Variants in FBXL18 observed in about 807,000 individuals in gnomAD.
FBXL18 encodes the protein F-box/LRR-repeat protein 18.
A neutral mutation model predicts 46.0 loss-of-function variants in FBXL18; 36 were observed. That is an observed-to-expected ratio of 0.78 (90% CI 0.60 to 1.03). The LOEUF (loss-of-function observed/expected upper bound fraction) is 1.03. FBXL18 is among the 50% of genes least tolerant of loss of function. The pLI is 0.00. For synonymous variants in FBXL18, 557 were observed against 465.3 expected (o/e 1.20, Z -2.54); for missense variants, 977 against 1,004.1 (o/e 0.97, Z 0.36).
intron 3 of FBXL18, among the ~76,000 whole-genome samples, chr7:5,491,910 T>C (rs1783937237): frequency 6.6e-6 from 1 of 151,306 alleles, no homozygotes; most frequent in African/African-American, 2.4e-5. Context: ...GAGAGGGCGG[T>C]AATCCGGGAG....
At chr7:5,462,341 G>A (rs146806014) in intron 4 of FBXL18, among the ~76,000 whole-genome samples, 5 of 152,192 alleles carry the variant, frequency 3.3e-5, no homozygotes, top group Non-Finnish European at 4.4e-5. Flanking sequence ...GCCCGAGGCC[G>A]GTACAGGAAG....
chr7:5,501,476 A>C lies in FBXL18; in HGVS notation c.793T>G (p.Phe265Val). 2 of 1,613,708 alleles carry C rather than the reference A, an allele frequency of 1.2e-6. No individual in the cohort carries two copies. The highest frequency in any genetic ancestry group is 1.7e-6 in the Non-Finnish European group (2 of 1,179,980). Residue 265 changes from phenylalanine to valine, a missense_variant, in exon 3 of 5, where the codon TTC becomes GTC. By Grantham distance (50) the Phe-to-Val change is conservative. Transcript: ENST00000382368. Reference protein sequence around the residue: ...SDRTPQNLHAFLISVPGSFAE... With the variant: ...SDRTPQNLHAVLISVPGSFAE... ...AAGCTGCCAGGGACGGAGATGAGGA[A>C]GGCGTGGAGGTTCTGAGGAGTGCGG... is the stretch of plus-strand genomic sequence containing the variant.
downstream of FBXL18, among the ~76,000 whole-genome samples, chr7:5,472,682 G>A (rs116755400): frequency 2.0e-5 from 3 of 152,174 alleles, no homozygotes; most frequent in African/African-American, 7.2e-5. Context: ...TTGACCACCA[G>A]ACCTGCGAGT....
At position 5,494,442 on chromosome 7, in the gene FBXL18, AT is replaced by A. The variant is rs1397174777; in HGVS notation, c.1782-2994del. ...GCGAGACTCTGTCTCACACAAAAAAATAAATAAATAAAATTAAATAAATAAT... is the reference window on the plus strand; with the variant it reads ...GCGAGACTCTGTCTCACACAAAAAAAAAATAAATAAAATTAAATAAATAAT... On this transcript the variant is annotated intron_variant, in intron 3 of 4. Coordinates refer to ENST00000382368, the MANE Select transcript of FBXL18 (RefSeq NM_024963.6). Among the ~76,000 whole-genome samples, 4 of 152,156 alleles carry A rather than the reference AT, an allele frequency of 2.6e-5. 1 individual carries two copies. The highest frequency in any genetic ancestry group is 4.1e-4 in the South Asian group (2 of 4,836).
Position 5,499,880 on chromosome 7 carries a change from G to A in FBXL18, c.1781+608C>T, listed in dbSNP as rs566301755. 1.5e-4 allele frequency among the ~76,000 whole-genome samples: 23 copies of A among 151,914 alleles called. No individual in the cohort carries two copies. The South Asian group carries it at 4.8e-3, about 32-fold the overall frequency. The stretch of plus-strand genomic sequence containing the variant: ...TCAAGACCAGTCTGGGCAACATAGT[G>A]AGACCTTGTCTGTACACAATTTTAA... On this transcript the variant is annotated intron_variant, in intron 3 of 4. Coordinates refer to ENST00000382368, the MANE Select transcript of FBXL18 (RefSeq NM_024963.6).
rs749337486 is a variant in FBXL18 at position 5,501,176 on chromosome 7, T to G, written c.1093A>C (p.Lys365Gln). The G allele has an allele frequency of 6.2e-7, 1 of 1,613,278 alleles. No individual in the cohort carries two copies. Among genetic ancestry groups the G allele is most frequent in the Admixed American group, 1.7e-5 (1 of 59,996 alleles). Reference sequence around the variant, plus strand: ...CTGCTGTCGATGTCGTCCTCCGCCTTGCGGAGCAGCGAGTCTGGGGACAGG... The same window carrying G: ...CTGCTGTCGATGTCGTCCTCCGCCTGGCGGAGCAGCGAGTCTGGGGACAGG... ...HCLSPDSLLR[K>Q]AEDDIDSSIL... The change falls in exon 3 of 5, where the codon AAG (lysine) becomes CAG (glutamine). Residue 365 changes from lysine to glutamine, a missense_variant. By Grantham distance (53) the Lys-to-Gln change is moderately conservative. Transcript: ENST00000382368.
rs1202379803 is a variant in FBXL18 at position 5,467,506 on chromosome 7, A to AC, written c.2001-19664dup. Among the ~76,000 whole-genome samples the AC allele has an allele frequency of 2.0e-5, 3 of 151,400 alleles. No homozygotes were observed. In the South Asian group the frequency reaches 6.3e-4, roughly 32 times the overall value. On this transcript the variant is annotated intron_variant and NMD_transcript_variant, in intron 4 of 6. Coordinates refer to the FBXL18 transcript ENST00000415009. ...GGTTGCAGTGAGCCGAGATCACACC[A>AC]CCGCACCCCAGCCTGGGAGGCAGAG...
chr7:5,466,169 TA>T (rs995026212), intron 4 of FBXL18, among the ~76,000 whole-genome samples: 101 of 123,368 alleles, frequency 8.2e-4, no homozygotes, highest in Admixed American at 1.0e-3. Flanking sequence ...TCAGAGAATT[TA>T]AAAAAAAAAA....
intron 4 of FBXL18, among the ~76,000 whole-genome samples, chr7:5,462,355 G>A (rs1783259601): frequency 6.6e-6 from 1 of 152,242 alleles, no homozygotes; most frequent in Non-Finnish European, 1.5e-5. Context: ...CAGGAAGCCA[G>A]GCATTACCTA....
At chr7:5,468,272 T>C (rs988697294) in intron 4 of FBXL18, among the ~76,000 whole-genome samples, 86 of 150,200 alleles carry the variant, frequency 5.7e-4, no homozygotes, top group Non-Finnish European at 9.2e-4. Context: ...CATGACCCAC[T>C]GCGCCGAGCC....
rs1221961422 is a variant in FBXL18 at position 5,463,004 on chromosome 7, T to TATATATAC, written c.2001-15162_2001-15161insGTATATAT. Among the ~76,000 whole-genome samples the TATATATAC allele has an allele frequency of 3.3e-4, 28 of 83,890 alleles. 1 individual carries two copies. Among genetic ancestry groups the TATATATAC allele is most frequent in the Non-Finnish European group, 5.8e-4 (23 of 39,666 alleles). The allele number at this position is 83,890 out of a possible 152,430, so 55.0% of individuals were successfully genotyped here. A position where few individuals can be genotyped will look rare whatever the true frequency, so the allele number is the denominator to read the frequency against. ...TATATATATATATATATAATATATA[T>TATATATAC]ACACACACACATGCATAAATGACCA... On this transcript the variant is annotated intron_variant and NMD_transcript_variant, in intron 4 of 6. Coordinates refer to the FBXL18 transcript ENST00000415009.
intron 4 of FBXL18, among the ~76,000 whole-genome samples, chr7:5,456,799 T>C (rs1027059954): frequency 6.6e-6 from 1 of 152,210 alleles, no homozygotes; most frequent in African/African-American, 2.4e-5. Flanking sequence ...AGTCTTGTTC[T>C]GTCATCCAGG....
In FBXL18 at chr7:5,496,565, C is replaced by T. The variant is rs1784086339; in HGVS notation, c.1781+3923G>A. Among the ~76,000 whole-genome samples, 1 of 152,190 alleles carries T rather than the reference C, an allele frequency of 6.6e-6. No homozygotes were observed. The highest frequency in any genetic ancestry group is 2.1e-4 in the South Asian group (1 of 4,832). Reference sequence around the variant, plus strand: ...CTGGACTCAGGGCTTGGCTTAGGCCCATCAACTAGGAGGCCACACTTAACA... The same window carrying T: ...CTGGACTCAGGGCTTGGCTTAGGCCTATCAACTAGGAGGCCACACTTAACA... On this transcript the variant is annotated intron_variant, in intron 3 of 4. Coordinates refer to ENST00000382368, the MANE Select transcript of FBXL18 (RefSeq NM_024963.6). The surrounding 1 kb of genome is among the most constrained non-coding windows in gnomAD (Gnocchi z 4.8).
intron 4 of FBXL18, 61 bp from the exon 5 acceptor site, chr7:5,481,992 C>T: frequency 2.0e-6 from 3 of 1,536,690 alleles, no homozygotes; most frequent in Non-Finnish European, 2.6e-6. Flanking sequence ...GCGGAGCCTG[C>T]TGGGGAAGCC....
In FBXL18 at chr7:5,455,172, A is replaced by T. The variant is rs1460659034; in HGVS notation, c.2001-7329T>A. Reference sequence around the variant, plus strand: ...GCACTACTGGGGAGGACTCTTGGGGATTATCTTGAGAGCACTCTCAGAGGA... The same window carrying T: ...GCACTACTGGGGAGGACTCTTGGGGTTTATCTTGAGAGCACTCTCAGAGGA... On this transcript the variant is annotated intron_variant and NMD_transcript_variant, in intron 4 of 6. Coordinates refer to the FBXL18 transcript ENST00000415009. This position sits in a 1 kb window ranked among gnomAD's most constrained non-coding sequence, Gnocchi z 4.6. Among the ~76,000 whole-genome samples, 2 of 151,802 alleles carry T rather than the reference A, an allele frequency of 1.3e-5. No individual in the cohort carries two copies. Among genetic ancestry groups the T allele is most frequent in the African/African-American group, 2.4e-5 (1 of 41,310 alleles).
intron 3 of FBXL18, 141 bp downstream of exon 3, chr7:5,500,347 G>C (rs571469273): frequency 7.7e-5 from 56 of 725,722 alleles, no homozygotes; most frequent in South Asian, 1.1e-4. Context: ...AGAGCCCCGA[G>C]ACCGACGTGG....
rs1022604940 is a variant in FBXL18, at chr7:5,513,526, G to C, written c.18+131C>G. On this transcript the variant is annotated intron_variant, in intron 1 of 4. Transcript: ENST00000382368. ...GGGAGCAGGGGCAAGGCCAGGGTCAGGATGGGAAGGACGGGGCGGGGTAGG... is the reference window on the plus strand; with the variant it reads ...GGGAGCAGGGGCAAGGCCAGGGTCACGATGGGAAGGACGGGGCGGGGTAGG... 2.9e-6 allele frequency: 3 copies of C among 1,041,566 alleles called. No individual in the cohort carries two copies. In the South Asian group the frequency reaches 4.0e-5, roughly 14 times the overall value. 64.5% of individuals were successfully genotyped at this position (1,041,566 alleles called of 1,614,324 possible).
In FBXL18 at chr7:5,477,575, GC is replaced by G. The variant is rs1029947206; in HGVS notation, c.*4199del. Reference sequence around the variant, plus strand: ...AAATTAGCCGGTCATGATGGCAGGTGCCTGTAATCCCAGCTACTCAGGAGGC... The same window carrying G: ...AAATTAGCCGGTCATGATGGCAGGTGCTGTAATCCCAGCTACTCAGGAGGC... On this transcript the variant is annotated 3_prime_UTR_variant, in exon 5 of 5. Coordinates refer to ENST00000382368, the MANE Select transcript of FBXL18 (RefSeq NM_024963.6). The surrounding 1 kb of genome is among the most constrained non-coding windows in gnomAD (Gnocchi z 4.4). Among the ~76,000 whole-genome samples the G allele has an allele frequency of 2.8e-4, 43 of 152,216 alleles. No individual in the cohort carries two copies. Among genetic ancestry groups the G allele is most frequent in the African/African-American group, 1.0e-3 (43 of 41,544 alleles).
At chr7:5,463,004 T>TACAC (rs1554316071) in intron 4 of FBXL18, among the ~76,000 whole-genome samples, 31 of 83,918 alleles carry the variant, frequency 3.7e-4, no homozygotes, top group African/African-American at 6.7e-4. Flanking sequence ...ATAATATATA[T>TACAC]ACACACACAC....
Sources: allele counts gnomAD v4.1 joint callset (sites outside exome capture counted in the v4.1 genomes callset), GRCh38; gene constraint gnomAD v4.1.1; non-coding constraint Gnocchi (gnomAD v3.1); transcripts MANE v1.5; gene names NCBI Gene and HGNC (gene_info 2026-07-23, HGNC 2026-07-21).